Variants in DOCK3 observed in about 807,000 individuals in gnomAD.
DOCK3 encodes dedicator of cytokinesis 3, also known as dedicator of cytokinesis protein 3.
In DOCK3, 60 loss-of-function variants were observed where a neutral mutation model predicts 265.6. That is an observed-to-expected ratio of 0.23 (90% CI 0.18 to 0.28). The LOEUF (loss-of-function observed/expected upper bound fraction) is 0.28. Ranked by LOEUF, DOCK3 falls within the 10% of genes least tolerant of loss-of-function variation. The pLI is 1.00. For synonymous variants in DOCK3, 881 were observed against 938.0 expected, an observed-to-expected ratio of 0.94 and a Z score of 1.11; for missense variants, 1,981 against 2,594.3, an observed-to-expected ratio of 0.76 and a Z score of 5.14.
At chr3:51,055,583 CTGTCCTGTGTAGTAGGAG>C (rs1433631576) in intron 5 of DOCK3, among the ~76,000 whole-genome samples, 2 of 152,160 alleles carry the variant, frequency 1.3e-5, no homozygotes, top group Non-Finnish European at 2.9e-5. Context: ...GAGATTTGAT[CTGTCCTGTGTAGTAGGAG>C]TGACTGTGAG....
Position 51,357,033 on chromosome 3 carries a change from C to T in DOCK3, c.4575C>T (p.Ile1525=), listed in dbSNP as rs371222465. 1.2e-5 allele frequency: 19 copies of T among 1,613,324 alleles called. No individual in the cohort carries two copies. The highest frequency in any genetic ancestry group is 2.7e-5 in the African/African-American group (2 of 74,934). Residue 1525 remains isoleucine, a synonymous_variant, in exon 44 of 53, where the codon ATC becomes ATT. Coordinates refer to ENST00000266037, the MANE Select transcript of DOCK3 (RefSeq NM_004947.5). ...AGAACCAGGAGCTACGCTCCCTGATCAGCCAGTATCAACACAAGCAGGTGC... is the reference window on the plus strand; with the variant it reads ...AGAACCAGGAGCTACGCTCCCTGATTAGCCAGTATCAACACAAGCAGGTGC... ...ENKNQELRSL[I]SQYQHKQVHG...
At chr3:51,102,237 C>G (rs964991166) in intron 9 of DOCK3, among the ~76,000 whole-genome samples, 1 of 152,152 alleles carries the variant, frequency 6.6e-6, no homozygotes, top group Admixed American at 6.5e-5. Context: ...ATTTTCTCTA[C>G]TTTTACATTT....
chr3:51,080,340 T>G (rs2109426562), intron 7 of DOCK3, among the ~76,000 whole-genome samples: 1 of 152,348 alleles, frequency 6.6e-6, no homozygotes, highest in African/African-American at 2.4e-5. Flanking sequence ...TTAATTTATA[T>G]TTTTGACATA....
chr3:50,726,053 C>T (rs1423643642), intron 1 of DOCK3, among the ~76,000 whole-genome samples: 6 of 152,152 alleles, frequency 3.9e-5, no homozygotes, highest in Non-Finnish European at 7.3e-5. Context: ...AACCTGTGCA[C>T]ATCCTCCCAT....
intron 2 of DOCK3, among the ~76,000 whole-genome samples, chr3:50,841,415 A>G (rs1246371658): frequency 6.6e-6 from 1 of 152,190 alleles, no homozygotes; most frequent in Admixed American, 6.5e-5. Context: ...GTTGAATTAC[A>G]TGTCCTCTGA....
chr3:51,039,232 G>A (rs1244840599), intron 5 of DOCK3, among the ~76,000 whole-genome samples: 1 of 152,116 alleles, frequency 6.6e-6, no homozygotes, highest in African/African-American at 2.4e-5. Context: ...CTCACCTCAG[G>A]TGATCTGCCC....
At chr3:50,787,564 C>T in intron 2 of DOCK3, 1 of 852,822 alleles carries the variant, frequency 1.2e-6, no homozygotes, top group South Asian at 1.5e-5. Context: ...GGTCACTTCT[C>T]ACAGGTCACA....
At chr3:50,988,351 C>A (rs1044522419) in intron 5 of DOCK3, among the ~76,000 whole-genome samples, 1 of 152,214 alleles carries the variant, frequency 6.6e-6, no homozygotes, top group Non-Finnish European at 1.5e-5. Context: ...CCCCCACAAC[C>A]CCTGTTGGTG....
intron 3 of DOCK3, among the ~76,000 whole-genome samples, chr3:50,887,320 T>C (rs1041155944): frequency 1.4e-5 from 2 of 148,068 alleles, no homozygotes; most frequent in Non-Finnish European, 1.5e-5. Flanking sequence ...CAGGAAGAAG[T>C]CGAATCCCTG....
At chr3:50,864,052 C>T (rs2047031859) in intron 3 of DOCK3, among the ~76,000 whole-genome samples, 1 of 152,126 alleles carries the variant, frequency 6.6e-6, no homozygotes, top group South Asian at 2.1e-4. Flanking sequence ...TCTATAATGG[C>T]TGTGTCACTT....
At chr3:51,376,195 C>G (rs975622652) in intron 51 of DOCK3, among the ~76,000 whole-genome samples, 1 of 152,204 alleles carries the variant, frequency 6.6e-6, no homozygotes, top group Non-Finnish European at 1.5e-5. Flanking sequence ...CCTTTGGTCC[C>G]TCTCAGCTTG....
chr3:51,085,641 A>G (rs2082391523), intron 7 of DOCK3, among the ~76,000 whole-genome samples: 2 of 152,230 alleles, frequency 1.3e-5, no homozygotes, highest in African/African-American at 2.4e-5. Context: ...GAAACACAAC[A>G]TATCCAAATT....
In DOCK3 at chr3:51,280,202, A is replaced by G. The variant is rs770826939; in HGVS notation, c.2920A>G (p.Lys974Glu). The change falls in exon 27 of 53, where the codon AAG becomes GAG. Residue 974 changes from lysine to glutamate, a missense_variant and splice_region_variant. Transcript: ENST00000266037. ...CAACTTCCAGAGCAAAGATGAACTCAAGGTAGGCAGTAGAACACCTTTCCT... is the reference window on the plus strand; with the variant it reads ...CAACTTCCAGAGCAAAGATGAACTCGAGGTAGGCAGTAGAACACCTTTCCT... ...LDNFQSKDEL[K>E]EFLLKIFCVF... 3.1e-6 allele frequency: 5 copies of G among 1,613,106 alleles called. No individual in the cohort carries two copies. In the African/African-American group the frequency reaches 6.7e-5, roughly 22 times the overall value.
chr3:51,181,714 T>C (rs1051103849), intron 12 of DOCK3, among the ~76,000 whole-genome samples: 2 of 151,930 alleles, frequency 1.3e-5, no homozygotes, highest in African/African-American at 4.8e-5. Context: ...CTCTGAGGAG[T>C]TCCTGAGAGA....
intron 4 of DOCK3, among the ~76,000 whole-genome samples, chr3:50,923,585 G>T (rs2050615666): frequency 6.6e-6 from 1 of 152,028 alleles, no homozygotes; most frequent in South Asian, 2.1e-4. Context: ...AAAAATAGGT[G>T]GGGAAACAAT....
In DOCK3 at chr3:50,706,132, T is replaced by C. The variant is rs1162771863; in HGVS notation, c.37+30832T>C. On this transcript the variant is annotated intron_variant, in intron 1 of 52. Transcript: ENST00000266037. The stretch of plus-strand genomic sequence containing the variant: ...TCTCCTTTGCCTTCTGCCATGATTG[T>C]GTTTCCTGAGGCCTCCCCATCCATA... Among the ~76,000 whole-genome samples, 3 of 152,138 alleles carry C rather than the reference T, an allele frequency of 2.0e-5. No individual in the cohort carries two copies. In the East Asian group the frequency reaches 5.8e-4, roughly 29 times the overall value.
intron 5 of DOCK3, among the ~76,000 whole-genome samples, chr3:50,946,089 T>C (rs1230332749): frequency 2.5e-5 from 2 of 80,572 alleles, no homozygotes; most frequent in African/African-American, 4.8e-5. Context: ...TGAAACCCCA[T>C]CTCTTAAAAA....
intron 23 of DOCK3, among the ~76,000 whole-genome samples, chr3:51,265,089 C>A (rs1366472891): frequency 1.3e-5 from 2 of 152,100 alleles, no homozygotes; most frequent in Admixed American, 6.5e-5. Context: ...TGCAAATAAA[C>A]TAGAAACTCT....
chr3:51,305,654 C>A (rs965397171), intron 27 of DOCK3, among the ~76,000 whole-genome samples: 1 of 150,320 alleles, frequency 6.7e-6, no homozygotes, highest in East Asian at 1.9e-4. Flanking sequence ...TCCTCCATTA[C>A]TGCCTTCTTT....
Sources: gnomAD v4.1 joint callset for allele counts (sites outside exome capture counted in the v4.1 genomes callset) on GRCh38, gnomAD v4.1.1 for gene constraint, MANE v1.5 for transcripts, NCBI Gene and HGNC (gene_info 2026-07-23, HGNC 2026-07-21) for gene names.